Variants in COL24A1 observed in about 807,000 individuals in gnomAD.
The protein encoded by COL24A1 is collagen type XXIV alpha 1 chain, also known as collagen alpha-1(XXIV) chain.
In COL24A1, 224 loss-of-function variants were observed where a neutral mutation model predicts 253.9. That is an observed-to-expected ratio of 0.88 (90% CI 0.79 to 0.99). COL24A1 has a LOEUF of 0.99. COL24A1 is among the 50% of genes least tolerant of loss of function. The pLI, the probability that COL24A1 is intolerant of heterozygous loss-of-function variation, is 0.00. For missense variants in COL24A1, 2,131 were observed against 2,068.5 expected (o/e 1.03, Z -0.59); for synonymous variants, 685 against 673.7 (o/e 1.02, Z -0.26).
rs117871299 is a variant in COL24A1, at chr1:86,125,672, A to T, written c.664T>A (p.Leu222Ile). The T allele has an allele frequency of 8.1e-6, 13 of 1,611,396 alleles. No individual in the cohort carries two copies. The South Asian group carries it at 1.4e-4, about 18-fold the overall frequency. ...GCTTCTGCAGAAGGAATAATATCTAACTGACATACTATTCCTTCAAAATGG... is the reference window on the plus strand; with the variant it reads ...GCTTCTGCAGAAGGAATAATATCTATCTGACATACTATTCCTTCAAAATGG... ...SIHFEGIVCQ[L>I]DIIPSAEASA... Residue 222 changes from leucine to isoleucine, a missense_variant, in exon 3 of 60, where the codon TTA (leucine) becomes ATA (isoleucine). Leu to Ile is a conservative substitution (Grantham distance 5, BLOSUM62 2). Coordinates refer to ENST00000370571, the MANE Select transcript of COL24A1 (RefSeq NM_152890.7).
intron 19 of COL24A1, among the ~76,000 whole-genome samples, chr1:86,012,444 C>A (rs1696588615): frequency 1.3e-5 from 2 of 152,150 alleles, no homozygotes; most frequent in South Asian, 4.1e-4. Context: ...AAAAAATAAG[C>A]CTGGTGTGGT....
intron 43 of COL24A1, among the ~76,000 whole-genome samples, chr1:85,826,829 A>T (rs1322515626): frequency 6.6e-6 from 1 of 152,168 alleles, no homozygotes; most frequent in Non-Finnish European, 1.5e-5. Flanking sequence ...TTTTGGGCTG[A>T]GACAATGGAG....
intron 14 of COL24A1, among the ~76,000 whole-genome samples, chr1:86,023,588 T>C (rs6662155): frequency 0.012 from 1,799 of 152,236 alleles, 38 homozygotes; most frequent in African/African-American, 0.041. Context: ...TTACTAAGCA[T>C]AATATGTACG....
At chr1:85,994,530 C>A (rs1013903058) in intron 19 of COL24A1, among the ~76,000 whole-genome samples, 27 of 151,848 alleles carry the variant, frequency 1.8e-4, no homozygotes, top group African/African-American at 6.3e-4. Flanking sequence ...TGGTCTGAGA[C>A]AAGGATGCAG....
chr1:85,985,756 G>A lies in COL24A1; in HGVS notation c.2364+1845C>T, dbSNP rs143225646. ...GGCATGAGGTCATTGAAGAGTCAGG[G>A]GAGGATTTGATGCAAAACATATGCA... On this transcript the variant is annotated intron_variant, in intron 20 of 59. Transcript: ENST00000370571. Among the ~76,000 whole-genome samples, 15 of 151,866 alleles carry A rather than the reference G, an allele frequency of 9.9e-5. 1 individual carries two copies. The East Asian group carries it at 2.7e-3, about 27-fold the overall frequency.
At chr1:85,779,859 T>A (rs1442341779) in intron 52 of COL24A1, among the ~76,000 whole-genome samples, 1 of 152,166 alleles carries the variant, frequency 6.6e-6, no homozygotes, top group Non-Finnish European at 1.5e-5. Flanking sequence ...CATAATGAAC[T>A]TTTCTTCTCA....
Position 86,063,355 on chromosome 1 carries a change from C to G in COL24A1, c.1752+360G>C, listed in dbSNP as rs561374235. ...ATTGTACAAAAAAAATTAAGTCTCT[C>G]TCTCTGTGTGTGTGTGTGTGTGTGT... On this transcript the variant is annotated intron_variant, in intron 8 of 59. Coordinates refer to ENST00000370571, the MANE Select transcript of COL24A1 (RefSeq NM_152890.7). Among the ~76,000 whole-genome samples the G allele has an allele frequency of 2.5e-3, 321 of 129,332 alleles. 8 individuals are homozygous for G. The East Asian group carries it at 0.042, about 17-fold the overall frequency. 84.8% of individuals were successfully genotyped at this position (129,332 alleles called of 152,430 possible).
intron 20 of COL24A1, among the ~76,000 whole-genome samples, chr1:85,985,638 G>A (rs952546559): frequency 6.6e-6 from 1 of 151,748 alleles, no homozygotes; most frequent in Non-Finnish European, 1.5e-5. Flanking sequence ...AAAATAAAGG[G>A]TGCCTAACTA....
intron 7 of COL24A1, among the ~76,000 whole-genome samples, chr1:86,071,831 G>C (rs1701894064): frequency 6.6e-6 from 1 of 152,166 alleles, no homozygotes; most frequent in Admixed American, 6.5e-5. Flanking sequence ...ACTGGGACTG[G>C]TTAGTCAGTG....
chr1:85,850,507 T>C (rs921181629), intron 37 of COL24A1, among the ~76,000 whole-genome samples: 2 of 152,192 alleles, frequency 1.3e-5, no homozygotes, highest in Non-Finnish European at 2.9e-5. Context: ...TTGTGCTCTA[T>C]TGCTGTAGTT....
intron 32 of COL24A1, among the ~76,000 whole-genome samples, chr1:85,888,853 G>T (rs756051845): frequency 2.4e-4 from 37 of 152,166 alleles, no homozygotes; most frequent in Admixed American, 6.5e-4. Flanking sequence ...GTAAACCTTT[G>T]TGTCAACCGA....
At chr1:85,850,002 T>A (rs1041008048) in intron 37 of COL24A1, among the ~76,000 whole-genome samples, 1 of 152,168 alleles carries the variant, frequency 6.6e-6, no homozygotes, top group African/African-American at 2.4e-5. Flanking sequence ...TAAAGAGATA[T>A]TCGTTGATCT....
At chr1:85,939,177 G>A (rs1361657757) in intron 24 of COL24A1, among the ~76,000 whole-genome samples, 2 of 152,162 alleles carry the variant, frequency 1.3e-5, no homozygotes, top group East Asian at 1.9e-4. Flanking sequence ...CGTATCTACC[G>A]TAAATGATCC....
intron 8 of COL24A1, among the ~76,000 whole-genome samples, chr1:86,061,207 G>A (rs988619696): frequency 3.3e-5 from 5 of 152,010 alleles, no homozygotes; most frequent in Non-Finnish European, 5.9e-5. Flanking sequence ...GCACTCCAAG[G>A]AAAGTCCTCT....
chr1:85,783,374 T>G (rs2101582641), intron 51 of COL24A1, 122 bp downstream of exon 51: 2 of 787,916 alleles, frequency 2.5e-6, no homozygotes, highest in Non-Finnish European at 2.0e-6. Context: ...CCCTTATGAG[T>G]TTCTACCTTA....
chr1:86,038,348 C>T (rs1266527807), intron 12 of COL24A1, among the ~76,000 whole-genome samples: 2 of 152,132 alleles, frequency 1.3e-5, no homozygotes, highest in African/African-American at 4.8e-5. Context: ...ATTTCTCTTT[C>T]CTTTTATCAA....
intron 2 of COL24A1, among the ~76,000 whole-genome samples, chr1:86,145,310 T>C (rs1651721939): frequency 6.6e-6 from 1 of 152,132 alleles, no homozygotes; most frequent in Admixed American, 6.5e-5. Flanking sequence ...CTTTGGCAGC[T>C]CTGTGCAGAA....
At chr1:86,013,837 A>G (rs528145142) in intron 19 of COL24A1, among the ~76,000 whole-genome samples, 42 of 152,186 alleles carry the variant, frequency 2.8e-4, no homozygotes, top group Non-Finnish European at 5.0e-4. Context: ...CTGTGTCTCA[A>G]AAAAACATAA....
chr1:86,119,785 A>G (rs558844104), intron 3 of COL24A1, among the ~76,000 whole-genome samples: 25 of 152,306 alleles, frequency 1.6e-4, no homozygotes, highest in Admixed American at 1.6e-3. Context: ...GAGAGCAATC[A>G]GTAGAGGATT....
Sources: allele counts gnomAD v4.1 joint callset (sites outside exome capture counted in the v4.1 genomes callset), GRCh38; gene constraint gnomAD v4.1.1; transcripts MANE v1.5; gene names NCBI Gene and HGNC (gene_info 2026-07-23, HGNC 2026-07-21).